Variants in TET3 observed in about 807,000 individuals in gnomAD.
TET3 encodes the protein tet methylcytosine dioxygenase 3.
In TET3, 19 loss-of-function variants were observed where a neutral mutation model predicts 141.4. The observed-to-expected ratio is 0.13, with a 90% confidence interval of 0.09 to 0.20. The LOEUF (loss-of-function observed/expected upper bound fraction) is 0.20, where lower values mean the gene tolerates loss of function less well. TET3 is among the 10% of genes least tolerant of loss of function. The pLI, the probability that TET3 is intolerant of heterozygous loss-of-function variation, is 1.00. For synonymous variants in TET3, 1,043 were observed against 980.9 expected (o/e 1.06, Z -1.18); for missense variants, 1,874 against 2,356.9 (o/e 0.80, Z 4.24).
the TET3 span, among the ~76,000 whole-genome samples, chr2:74,123,839 G>A: frequency 0.22 from 32,626 of 148,884 alleles, 3,862 homozygotes; most frequent in East Asian, 0.49. Flanking sequence ...GCCGCCCATC[G>A]TCTGAGATGT....
chr2:74,022,027 A>G (rs1331093647), intron 3 of TET3, among the ~76,000 whole-genome samples: 3 of 152,114 alleles, frequency 2.0e-5, no homozygotes, highest in Admixed American at 2.0e-4. Flanking sequence ...GATAGAGAAA[A>G]ATAAAAAAGT....
At chr2:74,080,036 A>ATT (rs1420146422) in intron 5 of TET3, among the ~76,000 whole-genome samples, 3 of 152,170 alleles carry the variant, frequency 2.0e-5, no homozygotes, top group African/African-American at 7.2e-5. Context: ...GCTGTTTGTC[A>ATT]TCATCATGGT....
At chr2:73,985,868 G>C (rs1683999131) in intron 1 of TET3, 112 bp from the exon 2 acceptor site, 1 of 152,142 alleles carries the variant, frequency 6.6e-6, no homozygotes, top group South Asian at 2.1e-4. Context: ...GACCTCAATT[G>C]AGCAAGCCCC....
At chr2:74,043,134 T>G (rs1190439675) in intron 3 of TET3, among the ~76,000 whole-genome samples, 1 of 152,244 alleles carries the variant, frequency 6.6e-6, no homozygotes, top group East Asian at 1.9e-4. Flanking sequence ...CTCGGGTGTT[T>G]CTTCTTGGTT....
the TET3 span, among the ~76,000 whole-genome samples, chr2:74,131,809 C>G: frequency 6.6e-6 from 1 of 152,068 alleles, no homozygotes; most frequent in African/African-American, 2.4e-5. Context: ...ATGCTATACT[C>G]TAGCCACTGG....
chr2:74,026,373 A>G (rs933315905), intron 3 of TET3, among the ~76,000 whole-genome samples: 4 of 151,572 alleles, frequency 2.6e-5, no homozygotes, highest in Non-Finnish European at 5.9e-5. Context: ...CCTCTCCCCC[A>G]CCCCAAAACT....
chr2:74,035,469 GAAA>G (rs57320103), intron 3 of TET3, among the ~76,000 whole-genome samples: 2 of 77,894 alleles, frequency 2.6e-5, no homozygotes, highest in Non-Finnish European at 5.6e-5. Context: ...ATCTCAAAAA[GAAA>G]AAAAAAAATG....
chr2:74,102,503 T>G lies in TET3; in HGVS notation c.*327T>G, dbSNP rs1440944695. ...TTTATTTTCTCTTTGTTTTTAAAAC[T>G]CTATCCTTGTATATCACAATAATGG... On this transcript the variant is annotated 3_prime_UTR_variant, in exon 12 of 12. Transcript: ENST00000409262. 1 of 193,062 alleles carries G rather than the reference T, an allele frequency of 5.2e-6. No homozygotes were observed. The highest frequency in any genetic ancestry group is 2.3e-5 in the African/African-American group (1 of 43,128). 12.0% of individuals were successfully genotyped at this position (193,062 alleles called of 1,614,324 possible). A position where few individuals can be genotyped will look rare whatever the true frequency, so the allele number is the denominator to read the frequency against.
At chr2:74,003,424 GTTT>G (rs768499958) in intron 3 of TET3, among the ~76,000 whole-genome samples, 1 of 130,168 alleles carries the variant, frequency 7.7e-6, no homozygotes, top group Non-Finnish European at 1.6e-5. Flanking sequence ...TTGTTGAACT[GTTT>G]TTTTTTTTTT....
At chr2:74,068,478 C>G (rs1167109247) in intron 4 of TET3, among the ~76,000 whole-genome samples, 1 of 152,042 alleles carries the variant, frequency 6.6e-6, no homozygotes, top group Non-Finnish European at 1.5e-5. Context: ...TATGGATATG[C>G]TGTAATGCAT....
chr2:74,006,534 A>C (rs1056141586), intron 3 of TET3, among the ~76,000 whole-genome samples: 7 of 152,210 alleles, frequency 4.6e-5, no homozygotes, highest in African/African-American at 1.7e-4. Context: ...GGACGACTAC[A>C]GCCCTTTTGC....
intron 3 of TET3, among the ~76,000 whole-genome samples, chr2:74,034,432 A>G (rs1390245524): frequency 6.6e-6 from 1 of 151,928 alleles, no homozygotes; most frequent in Non-Finnish European, 1.5e-5. Context: ...AGAGGTAACC[A>G]TTACCTTGAA....
At chr2:74,086,775 A>G (rs1266289790) in intron 6 of TET3, among the ~76,000 whole-genome samples, 2 of 145,616 alleles carry the variant, frequency 1.4e-5, no homozygotes, top group East Asian at 4.0e-4. Context: ...TGGGCAACAG[A>G]GTAAGACCCT....
At chr2:74,044,364 C>T (rs903521090) in intron 3 of TET3, among the ~76,000 whole-genome samples, 4 of 152,128 alleles carry the variant, frequency 2.6e-5, no homozygotes, top group Non-Finnish European at 5.9e-5. Context: ...TATTTATCAT[C>T]TTGTCTGTAT....
chr2:74,134,812 T>C, the TET3 span: 27 of 454,746 alleles, frequency 5.9e-5, 1 homozygote, highest in Admixed American at 5.9e-4. Context: ...GAGCAGCTTA[T>C]AGTACTCAAT....
intron 10 of TET3, among the ~76,000 whole-genome samples, chr2:74,097,665 C>T (rs1006090892): frequency 5.9e-5 from 9 of 152,108 alleles, no homozygotes; most frequent in Non-Finnish European, 1.2e-4. Flanking sequence ...GGTGATGCAG[C>T]GTAGCTACAC....
At chr2:74,120,453 G>A in the TET3 span, among the ~76,000 whole-genome samples, 2 of 152,248 alleles carry the variant, frequency 1.3e-5, no homozygotes, top group East Asian at 1.9e-4. Flanking sequence ...CTACCCGGGG[G>A]GAACGTGTGC....
chr2:74,041,601 T>C (rs1687341303), intron 3 of TET3, among the ~76,000 whole-genome samples: 1 of 152,252 alleles, frequency 6.6e-6, no homozygotes, highest in Admixed American at 6.5e-5. Context: ...CATTAATGTA[T>C]CTGTTAAGGC....
At chr2:74,088,408 C>T (rs1323256054) in intron 7 of TET3, among the ~76,000 whole-genome samples, 1 of 152,028 alleles carries the variant, frequency 6.6e-6, no homozygotes, top group African/African-American at 2.4e-5. Flanking sequence ...TTTGGGAGGC[C>T]GAAGTGGGTG....
Sources: gnomAD v4.1 joint callset for allele counts (sites outside exome capture counted in the v4.1 genomes callset) on GRCh38, gnomAD v4.1.1 for gene constraint, MANE v1.5 for transcripts, NCBI Gene and HGNC (gene_info 2026-07-23, HGNC 2026-07-21) for gene names.